Variants in RASGRF2 observed in about 807,000 individuals in gnomAD.
The protein encoded by RASGRF2 is ras-specific guanine nucleotide-releasing factor 2.
RASGRF2 carries 76 observed loss-of-function variants against 151.0 expected under a neutral mutation model. The observed-to-expected ratio is 0.50, with a 90% CI of 0.42 to 0.61. The LOEUF (loss-of-function observed/expected upper bound fraction) is 0.61. Ranked by LOEUF, RASGRF2 falls within the 20% of genes least tolerant of loss-of-function variation. The pLI is 0.00. For synonymous variants in RASGRF2, 504 were observed against 566.5 expected (o/e 0.89, Z 1.57); for missense variants, 1,148 against 1,564.6 (o/e 0.73, Z 4.49).
chr5:81,018,703 G>A (rs968551709), intron 1 of RASGRF2, among the ~76,000 whole-genome samples: 3 of 151,890 alleles, frequency 2.0e-5, no homozygotes, highest in Admixed American at 6.6e-5. Flanking sequence ...AGAGGAGGAG[G>A]TAATGAATTA....
At chr5:81,076,562 A>G (rs1751944154) in intron 5 of RASGRF2, among the ~76,000 whole-genome samples, 1 of 150,844 alleles carries the variant, frequency 6.6e-6, no homozygotes, top group Non-Finnish European at 1.5e-5. Context: ...CGTAGTTAGG[A>G]GGCAAGGACA....
At chr5:81,202,281 C>T (rs539172838) in intron 19 of RASGRF2, among the ~76,000 whole-genome samples, 1 of 152,316 alleles carries the variant, frequency 6.6e-6, no homozygotes, top group South Asian at 2.1e-4. Flanking sequence ...TACTTCTTTA[C>T]CACTCTCATT....
chr5:81,056,473 T>G (rs985936606), intron 2 of RASGRF2, among the ~76,000 whole-genome samples: 2 of 152,252 alleles, frequency 1.3e-5, no homozygotes, highest in Non-Finnish European at 2.9e-5. Flanking sequence ...TCTCGTTTGA[T>G]TGCACTGTGG....
At chr5:81,192,995 C>G (rs1168316504) in intron 18 of RASGRF2, among the ~76,000 whole-genome samples, 1 of 152,152 alleles carries the variant, frequency 6.6e-6, no homozygotes, top group Non-Finnish European at 1.5e-5. Flanking sequence ...TTTATAAGCT[C>G]TTTGTTCCAG....
At chr5:81,194,417 TTTTG>T (rs1469561067) in intron 18 of RASGRF2, among the ~76,000 whole-genome samples, 6 of 151,480 alleles carry the variant, frequency 4.0e-5, no homozygotes, top group Non-Finnish European at 7.4e-5. Context: ...TACTTTAGGA[TTTTG>T]TTTGTTTTTT....
intron 18 of RASGRF2, among the ~76,000 whole-genome samples, chr5:81,200,368 GTTC>G (rs61339932): frequency 0.19 from 28,669 of 151,674 alleles, 2,857 homozygotes; most frequent in Middle Eastern, 0.28. Context: ...GGACTTACAG[GTTC>G]TTCTTATTAA....
At chr5:81,031,027 T>C (rs368595969) in intron 1 of RASGRF2, among the ~76,000 whole-genome samples, 122 of 151,812 alleles carry the variant, frequency 8.0e-4, no homozygotes, top group Non-Finnish European at 2.9e-4. Flanking sequence ...AGACTTTAAA[T>C]CAACAAAGAT....
intron 2 of RASGRF2, among the ~76,000 whole-genome samples, chr5:81,059,200 G>A (rs921957435): frequency 1.3e-5 from 2 of 151,544 alleles, no homozygotes; most frequent in Admixed American, 6.6e-5. Flanking sequence ...TGGCTAACAC[G>A]GTGAAACCCC....
chr5:81,070,377 A>G, intron 3 of RASGRF2, 115 bp from the exon 4 acceptor site: 1 of 783,686 alleles, frequency 1.3e-6, no homozygotes. Flanking sequence ...TGTGCATAAA[A>G]AGTGGGTGTT....
intron 7 of RASGRF2, among the ~76,000 whole-genome samples, chr5:81,082,287 C>T (rs1264635597): frequency 6.6e-6 from 1 of 152,082 alleles, no homozygotes; most frequent in Non-Finnish European, 1.5e-5. Flanking sequence ...CCAAATACAG[C>T]GAATGTAGGT....
intron 17 of RASGRF2, among the ~76,000 whole-genome samples, chr5:81,128,413 AT>A (rs561376926): frequency 2.6e-4 from 40 of 152,290 alleles, no homozygotes; most frequent in African/African-American, 8.4e-4. Context: ...AAATAATCAA[AT>A]AAATAAATAA....
At chr5:81,191,081 G>A (rs1205928625) in intron 18 of RASGRF2, among the ~76,000 whole-genome samples, 2 of 152,160 alleles carry the variant, frequency 1.3e-5, no homozygotes, top group Non-Finnish European at 2.9e-5. Context: ...TCAGCATGGG[G>A]AACAATGATC....
At chr5:81,199,202 G>A (rs1755334521) in intron 18 of RASGRF2, among the ~76,000 whole-genome samples, 1 of 152,232 alleles carries the variant, frequency 6.6e-6, no homozygotes, top group Non-Finnish European at 1.5e-5. Flanking sequence ...TTCACAGGTT[G>A]CATTTAGCTG....
chr5:81,079,026 A>G (rs2112474901), intron 5 of RASGRF2, among the ~76,000 whole-genome samples: 1 of 152,304 alleles, frequency 6.6e-6, no homozygotes, highest in Non-Finnish European at 1.5e-5. Flanking sequence ...GCCCCAAAGC[A>G]CTCACATCGC....
intron 17 of RASGRF2, among the ~76,000 whole-genome samples, chr5:81,140,725 C>T (rs983409506): frequency 2.6e-5 from 4 of 152,198 alleles, no homozygotes; most frequent in Non-Finnish European, 4.4e-5. Flanking sequence ...CTTTTCTTTG[C>T]ACTTTCCCTT....
intron 2 of RASGRF2, among the ~76,000 whole-genome samples, chr5:81,062,016 A>AAAAAC (rs1561585802): frequency 1.7e-4 from 22 of 126,310 alleles, no homozygotes; most frequent in African/African-American, 4.1e-4. Flanking sequence ...AAAAAAAAAA[A>AAAAAC]AAAAAAAACT....
chr5:81,108,834 C>CTGTGTGTGTG (rs10606038), intron 12 of RASGRF2, among the ~76,000 whole-genome samples, 162 bp from the exon 13 acceptor site: 4 of 139,804 alleles, frequency 2.9e-5, no homozygotes, highest in African/African-American at 1.1e-4. Context: ...TTTACCTACT[C>CTGTGTGTGTG]TGTGTGTGTG....
intron 17 of RASGRF2, among the ~76,000 whole-genome samples, chr5:81,150,246 A>G (rs1382559210): frequency 2.0e-5 from 3 of 152,224 alleles, no homozygotes; most frequent in South Asian, 2.1e-4. Flanking sequence ...ATAAACCTGC[A>G]CCTGAGTTCT....
chr5:81,020,320 AG>A (rs1232717724), intron 1 of RASGRF2, among the ~76,000 whole-genome samples: 5 of 152,124 alleles, frequency 3.3e-5, no homozygotes, highest in Non-Finnish European at 5.9e-5. Context: ...GGGAGGCTTA[AG>A]GGGGTCTTTT....
Sources: allele counts gnomAD v4.1 joint callset (sites outside exome capture counted in the v4.1 genomes callset), GRCh38; gene constraint gnomAD v4.1.1; transcripts MANE v1.5; gene names NCBI Gene and HGNC (gene_info 2026-07-23, HGNC 2026-07-21).